CHP1: variants seen among roughly 807,000 people sequenced by gnomAD.
CHP1 encodes the protein calcineurin B homologous protein 1.
In CHP1, 11 loss-of-function variants were observed where a neutral mutation model predicts 27.4. The observed-to-expected ratio is 0.40, with a 90% CI of 0.25 to 0.67. The LOEUF is 0.67. Among genes scored for constraint, CHP1 ranks in the 30% least tolerant of loss-of-function variants. The pLI, the probability that CHP1 is intolerant of heterozygous loss-of-function variation, is 0.38. For missense variants in CHP1, 169 were observed against 251.3 expected, an observed-to-expected ratio of 0.67 and a Z score of 2.22; for synonymous variants, 89 against 87.4, an observed-to-expected ratio of 1.02 and a Z score of -0.10.
chr15:41,281,685 A>G lies in CHP1; in HGVS notation c.*2296A>G, dbSNP rs933891126. 1.3e-5 allele frequency: 2 copies of G among 152,634 alleles called. No homozygotes were observed. Among genetic ancestry groups the G allele is most frequent in the Non-Finnish European group, 2.9e-5 (2 of 68,036 alleles). The allele number at this position is 152,634 out of a possible 1,614,324, so 9.5% of individuals were successfully genotyped here. ...TATGATTAAGTGATGTAATATAGGA[A>G]TTATGTAAAAGGGAAGAATGTCTGA... On this transcript the variant is annotated 3_prime_UTR_variant, in exon 7 of 7. Coordinates refer to ENST00000334660, the MANE Select transcript of CHP1 (RefSeq NM_007236.5).
At position 41,279,545 on chromosome 15, in the gene CHP1, G is replaced by A. The variant is rs1021438023; in HGVS notation, c.*156G>A. 9.4e-6 allele frequency: 6 copies of A among 638,946 alleles called. No individual in the cohort carries two copies. The highest frequency in any genetic ancestry group is 1.7e-5 in the Non-Finnish European group (6 of 354,068). The allele number at this position is 638,946 out of a possible 1,614,324, so 39.6% of individuals were successfully genotyped here. On this transcript the variant is annotated 3_prime_UTR_variant, in exon 7 of 7. Transcript: ENST00000334660. ...AAATATGTTCTGTCAACACAAACCT[G>A]CCTTTGGTGTATAAACAGGGCATTA...
rs191214373 is a variant in CHP1, at chr15:41,253,184, G to C, written c.141-3726G>C. ...GATCTCTTGACCTCGTGATCCACCT[G>C]CCTCAGCCTCCCAAAGTGCTGGGAT... On this transcript the variant is annotated intron_variant, in intron 2 of 6. Transcript: ENST00000334660. Among the ~76,000 whole-genome samples the C allele has an allele frequency of 4.8e-3, 723 of 151,666 alleles. 8 individuals carry two copies. The highest frequency in any genetic ancestry group is 0.017 in the African/African-American group (698 of 41,406).
intron 2 of CHP1, among the ~76,000 whole-genome samples, chr15:41,251,382 G>T (rs2047365819): frequency 6.6e-6 from 1 of 152,078 alleles, no homozygotes; most frequent in Non-Finnish European, 1.5e-5. Context: ...AATATTTAAA[G>T]AAGAGAAACC....
At chr15:41,238,092 CTT>C (rs2047286556) in intron 1 of CHP1, among the ~76,000 whole-genome samples, 1 of 152,174 alleles carries the variant, frequency 6.6e-6, no homozygotes, top group African/African-American at 2.4e-5. Context: ...CCTTCCTCCT[CTT>C]TGCACAATGC....
intron 3 of CHP1, among the ~76,000 whole-genome samples, chr15:41,261,924 G>A (rs1395363635): frequency 4.0e-5 from 6 of 151,728 alleles, no homozygotes; most frequent in East Asian, 1.9e-4. Flanking sequence ...CCAGGGAGGC[G>A]GAGGTTGCAG....
chr15:41,251,848 G>A (rs2047368919), intron 2 of CHP1, among the ~76,000 whole-genome samples: 1 of 146,994 alleles, frequency 6.8e-6, no homozygotes, highest in Non-Finnish European at 1.5e-5. Context: ...TCCCTATGTT[G>A]CCCAGGCTGG....
Position 41,281,022 on chromosome 15 carries a change from G to A in CHP1, c.*1633G>A, listed in dbSNP as rs1285178615. On this transcript the variant is annotated 3_prime_UTR_variant, in exon 7 of 7. Transcript: ENST00000334660. ...TACAGACGTGTGCCACCATACCTGG[G>A]TAATTTTTGCATTTTTAGTGGAGAG... is the stretch of plus-strand genomic sequence containing the variant. 6.6e-6 allele frequency: 1 copy of A among 151,242 alleles called. No homozygotes were observed. Among genetic ancestry groups the A allele is most frequent in the African/African-American group, 2.4e-5 (1 of 41,096 alleles). 9.4% of individuals were successfully genotyped at this position (151,242 alleles called of 1,614,324 possible). A position where few individuals can be genotyped will look rare whatever the true frequency, so the allele number is the denominator to read the frequency against.
Position 41,256,902 on chromosome 15 carries a change from C to T in CHP1, c.141-8C>T. 1 of 1,613,844 alleles carries T rather than the reference C, an allele frequency of 6.2e-7. No individual in the cohort carries two copies. Among genetic ancestry groups the T allele is most frequent in the Non-Finnish European group, 8.5e-7 (1 of 1,179,710 alleles). On this transcript the variant is annotated splice_region_variant and splice_polypyrimidine_tract_variant and intron_variant, in intron 2 of 6. Transcript: ENST00000334660. ...TCTCTATCTAACTCAAGGTGATTCT[C>T]TTGGCAGCCGGGAAGATTTCCAGAG...
In CHP1 at chr15:41,231,364, A is replaced by T; in HGVS notation, c.-19A>T. The T allele has an allele frequency of 6.3e-7, 1 of 1,589,818 alleles. No individual in the cohort carries two copies. Among genetic ancestry groups the T allele is most frequent in the Non-Finnish European group, 8.5e-7 (1 of 1,169,612 alleles). On this transcript the variant is annotated 5_prime_UTR_variant, in exon 1 of 7. Coordinates refer to ENST00000334660, the MANE Select transcript of CHP1 (RefSeq NM_007236.5). ...TCTCTTCTGGCGCCGCTGCTCCCGGAGGAGCTCCCGGCACGGCGATGGGTT... is the reference window on the plus strand; with the variant it reads ...TCTCTTCTGGCGCCGCTGCTCCCGGTGGAGCTCCCGGCACGGCGATGGGTT...
At chr15:41,237,238 C>A (rs1050307664) in intron 1 of CHP1, among the ~76,000 whole-genome samples, 1 of 151,798 alleles carries the variant, frequency 6.6e-6, no homozygotes, top group Non-Finnish European at 1.5e-5. Flanking sequence ...CCTCCGCCTC[C>A]TGGCTTCAAA....
intron 4 of CHP1, among the ~76,000 whole-genome samples, chr15:41,265,363 C>CAAAAAAAAA (rs544658200): frequency 1.6e-4 from 6 of 36,880 alleles, no homozygotes; most frequent in African/African-American, 5.6e-4. Context: ...GACTCTGTCT[C>CAAAAAAAAA]AAAAAAAAAA....
intron 2 of CHP1, among the ~76,000 whole-genome samples, chr15:41,246,447 G>A (rs557071829): frequency 6.6e-6 from 1 of 151,276 alleles, no homozygotes; most frequent in South Asian, 2.1e-4. Flanking sequence ...AGCTTCCTGA[G>A]TAGCTAGGAT....
Position 41,278,875 on chromosome 15 carries a change from A to G in CHP1, c.520A>G (p.Thr174Ala), listed in dbSNP as rs951779678. ...DQDGDSAISF[T>A]EFVKVLEKVD... ...GGATGGGGACAGTGCCATATCTTTC[A>G]CAGAATTTGTTAAGGTTGGTCACTT... The change falls in exon 6 of 7, where the codon ACA becomes GCA. Residue 174 changes from threonine (T) to alanine (A), a missense_variant. Physicochemically the swap from Thr to Ala is moderately conservative, Grantham distance 58 (BLOSUM62 0). Coordinates refer to ENST00000334660, the MANE Select transcript of CHP1 (RefSeq NM_007236.5). 1 of 1,614,134 alleles carries G rather than the reference A, an allele frequency of 6.2e-7. No homozygotes were observed.
intron 3 of CHP1, among the ~76,000 whole-genome samples, chr15:41,258,484 T>A (rs1355877298): frequency 1.1e-4 from 16 of 152,226 alleles, no homozygotes; most frequent in Non-Finnish European, 4.4e-5. Context: ...CTGGGTCAGT[T>A]GTCATGTCTC....
At chr15:41,262,684 C>T (rs2047439422) in intron 3 of CHP1, 72 bp from the exon 4 acceptor site, 4 of 1,577,028 alleles carry the variant, frequency 2.5e-6, no homozygotes, top group South Asian at 2.3e-5. Flanking sequence ...AAGCTGTTGC[C>T]AGTATATTTA....
At chr15:41,260,614 T>TG (rs1450257123) in intron 3 of CHP1, among the ~76,000 whole-genome samples, 1 of 151,936 alleles carries the variant, frequency 6.6e-6, no homozygotes, top group Non-Finnish European at 1.5e-5. Context: ...AGGCTGGTCT[T>TG]GAACTCCTGA....
At chr15:41,245,219 G>A (rs186977636) in intron 2 of CHP1, among the ~76,000 whole-genome samples, 2 of 152,274 alleles carry the variant, frequency 1.3e-5, no homozygotes, top group East Asian at 3.9e-4. Flanking sequence ...CTAGCACTTT[G>A]GGAGGCCAAG....
intron 6 of CHP1, 126 bp from the exon 7 acceptor site, chr15:41,279,210 C>CAAAAA: frequency 6.7e-6 from 4 of 594,388 alleles, no homozygotes; most frequent in South Asian, 2.2e-5. Context: ...ACTCTGCCTC[C>CAAAAA]AAAAAAAAAA....
intron 5 of CHP1, among the ~76,000 whole-genome samples, chr15:41,270,958 A>C (rs1045079050): frequency 6.6e-6 from 1 of 152,184 alleles, no homozygotes; most frequent in Non-Finnish European, 1.5e-5. Context: ...TAGTAAAAAT[A>C]CAAAAATTAG....
Sources: gnomAD v4.1 joint callset for allele counts (sites outside exome capture counted in the v4.1 genomes callset) on GRCh38, gnomAD v4.1.1 for gene constraint, MANE v1.5 for transcripts, NCBI Gene and HGNC (gene_info 2026-07-23, HGNC 2026-07-21) for gene names.